SNX29: variants seen among roughly 807,000 people sequenced by gnomAD.
The protein encoded by SNX29 is sorting nexin-29.
A neutral mutation model predicts 102.1 loss-of-function variants in SNX29; 78 were observed. That is an observed-to-expected ratio of 0.76 (90% CI 0.64 to 0.92). The LOEUF is 0.92. SNX29 is among the 40% of genes least tolerant of loss of function. The pLI is 0.00. For synonymous variants in SNX29, 580 were observed against 414.5 expected (o/e 1.40, Z -4.85); for missense variants, 1,280 against 1,061.7 (o/e 1.21, Z -2.86).
At chr16:12,523,654 C>G (rs1168503280) in intron 19 of SNX29, among the ~76,000 whole-genome samples, 1 of 152,200 alleles carries the variant, frequency 6.6e-6, no homozygotes, top group African/African-American at 2.4e-5. Flanking sequence ...CCCTCTGTGA[C>G]AGCTTGGGTT....
rs1373807925 is a variant in SNX29, at chr16:12,570,697, C to G, written c.*2068C>G. On this transcript the variant is annotated 3_prime_UTR_variant, in exon 21 of 21. Transcript: ENST00000566228. ...GACCTGCACCTTTTCTGACACCTGC[C>G]CCCAAAGCACAGGATGTGAATTGGT... is the stretch of plus-strand genomic sequence containing the variant. The G allele has an allele frequency of 8.6e-6, 2 of 232,070 alleles. No homozygotes were observed. Among genetic ancestry groups the G allele is most frequent in the African/African-American group, 4.4e-5 (2 of 45,260 alleles). The allele number at this position is 232,070 out of a possible 1,614,324, so 14.4% of individuals were successfully genotyped here.
At chr16:12,540,695 C>G (rs1297987191) in intron 20 of SNX29, among the ~76,000 whole-genome samples, 3 of 152,210 alleles carry the variant, frequency 2.0e-5, no homozygotes, top group Non-Finnish European at 2.9e-5. Flanking sequence ...GTTGTAGAAG[C>G]TCACATATGA....
intron 20 of SNX29, among the ~76,000 whole-genome samples, chr16:12,537,660 A>G (rs528366057): frequency 1.3e-5 from 2 of 152,302 alleles, no homozygotes; most frequent in East Asian, 1.9e-4. Context: ...TGTTTGCCCT[A>G]CTTCATGTCT....
intron 19 of SNX29, among the ~76,000 whole-genome samples, chr16:12,520,249 C>T: frequency 6.6e-6 from 1 of 152,190 alleles, no homozygotes; most frequent in East Asian, 1.9e-4. Flanking sequence ...TGTCAGGCTT[C>T]CTCCTCTTCA....
chr16:12,093,294 G>A (rs1280632727), intron 11 of SNX29, among the ~76,000 whole-genome samples: 1 of 152,210 alleles, frequency 6.6e-6, no homozygotes, highest in African/African-American at 2.4e-5. Context: ...ACATGGGTCA[G>A]GCAGACCACA....
At chr16:12,006,819 A>G (rs2056470063) in intron 3 of SNX29, among the ~76,000 whole-genome samples, 1 of 152,048 alleles carries the variant, frequency 6.6e-6, no homozygotes, top group Admixed American at 6.6e-5. Context: ...GGGTCTCACT[A>G]TGTTGCCCAG....
intron 10 of SNX29, among the ~76,000 whole-genome samples, chr16:12,077,527 A>G (rs888534010): frequency 1.2e-4 from 18 of 151,940 alleles, no homozygotes; most frequent in African/African-American, 4.1e-4. Context: ...GTTGATTCTT[A>G]TTATTCCCAG....
At chr16:12,301,816 G>C (rs1195064083) in intron 15 of SNX29, among the ~76,000 whole-genome samples, 4 of 152,144 alleles carry the variant, frequency 2.6e-5, no homozygotes, top group Admixed American at 6.5e-5. Context: ...TTGCCCTATG[G>C]ACAGAGAAAG....
At chr16:12,240,098 C>A (rs919375939) in intron 14 of SNX29, among the ~76,000 whole-genome samples, 2 of 152,202 alleles carry the variant, frequency 1.3e-5, no homozygotes, top group Admixed American at 6.5e-5. Context: ...CTCTGAATGG[C>A]CTTAACGGCC....
chr16:12,281,643 G>C (rs907593536), intron 15 of SNX29, among the ~76,000 whole-genome samples: 1 of 152,170 alleles, frequency 6.6e-6, no homozygotes, highest in East Asian at 1.9e-4. Context: ...CAGGCACTGT[G>C]CTGGGGTTTT....
intron 4 of SNX29, among the ~76,000 whole-genome samples, chr16:12,034,675 T>G (rs558176946): frequency 1.3e-5 from 2 of 152,168 alleles, no homozygotes; most frequent in African/African-American, 4.8e-5. Context: ...GCTGGACTGA[T>G]ACCTATTGGC....
chr16:12,148,797 A>G (rs553206753), intron 13 of SNX29, among the ~76,000 whole-genome samples: 33 of 152,272 alleles, frequency 2.2e-4, no homozygotes, highest in African/African-American at 7.9e-4. Flanking sequence ...TCCCGGGTTC[A>G]AGTGATTCTG....
At chr16:12,376,032 CAAAAAAAAAA>C (rs57611939) in intron 16 of SNX29, 1 of 83,968 alleles carries the variant, frequency 1.2e-5, no homozygotes, top group East Asian at 3.9e-4. Flanking sequence ...GACTCCGTCT[CAAAAAAAAAA>C]AAAAAAAAAA....
chr16:12,550,081 T>G (rs2077873130), intron 20 of SNX29, among the ~76,000 whole-genome samples: 1 of 152,206 alleles, frequency 6.6e-6, no homozygotes, highest in African/African-American at 2.4e-5. Context: ...TTATAGGAAG[T>G]TTGCCAACCT....
chr16:12,433,517 G>C (rs535841828), intron 18 of SNX29, among the ~76,000 whole-genome samples: 5 of 151,640 alleles, frequency 3.3e-5, no homozygotes, highest in African/African-American at 1.2e-4. Flanking sequence ...TGTAGTCCCA[G>C]CTACTAAAGA....
Position 12,568,451 on chromosome 16 carries a change from T to G in SNX29, c.2319-55T>G, listed in dbSNP as rs1425620518. On this transcript the variant is annotated intron_variant, in intron 20 of 20. Coordinates refer to ENST00000566228, the MANE Select transcript of SNX29 (RefSeq NM_032167.5). The stretch of plus-strand genomic sequence containing the variant: ...ACACCTGGCTCCCCTTCCTGGCCTG[T>G]GGTCATTTGCTTTTCATCCCCAGAC... 6 of 1,599,026 alleles carry G rather than the reference T, an allele frequency of 3.8e-6. No individual in the cohort carries two copies. The African/African-American group carries it at 8.0e-5, about 21-fold the overall frequency.
intron 20 of SNX29, among the ~76,000 whole-genome samples, chr16:12,530,854 C>A (rs1022636011): frequency 1.3e-5 from 2 of 152,330 alleles, no homozygotes; most frequent in Admixed American, 1.3e-4. Context: ...CCGTGCCTGG[C>A]CACCTTTCTT....
intron 18 of SNX29, among the ~76,000 whole-genome samples, chr16:12,475,190 C>T (rs892076305): frequency 2.0e-5 from 3 of 152,214 alleles, no homozygotes; most frequent in South Asian, 2.1e-4. Context: ...TTGTGCATTA[C>T]ATCAGGGGTT....
chr16:12,528,323 A>G (rs2076841728), intron 20 of SNX29, among the ~76,000 whole-genome samples: 2 of 152,172 alleles, frequency 1.3e-5, no homozygotes, highest in Non-Finnish European at 2.9e-5. Flanking sequence ...TCAGCCTCTG[A>G]GTAGCTGGGA....
Sources: allele counts gnomAD v4.1 joint callset (sites outside exome capture counted in the v4.1 genomes callset), GRCh38; gene constraint gnomAD v4.1.1; transcripts MANE v1.5; gene names NCBI Gene and HGNC (gene_info 2026-07-23, HGNC 2026-07-21).